The following NRG1 variants were observed in gnomAD, a reference collection of about 807,000 sequenced individuals.
NRG1 encodes neuregulin 1.
A neutral mutation model predicts 63.8 loss-of-function variants in NRG1; 18 were observed. The ratio of observed to expected loss-of-function variants is 0.28; its 90% CI spans 0.19 to 0.42. NRG1 has a LOEUF of 0.42. NRG1 is among the 10% of genes least tolerant of loss of function. The pLI is 1.00. For missense variants in NRG1, 762 were observed against 814.7 expected, an observed-to-expected ratio of 0.94 and a Z score of 0.79; for synonymous variants, 302 against 301.3, an observed-to-expected ratio of 1.00 and a Z score of -0.02.
chr8:31,809,791 G>C (rs1822698326), intron 1 of NRG1, among the ~76,000 whole-genome samples: 1 of 126,566 alleles, frequency 7.9e-6, no homozygotes, highest in Admixed American at 8.8e-5. Context: ...GTTTGCATTG[G>C]AGTAGCATAT....
chr8:32,363,370 A>C (rs1250434373), intron 1 of NRG1, among the ~76,000 whole-genome samples: 2 of 152,208 alleles, frequency 1.3e-5, no homozygotes. Flanking sequence ...GTACACAGAT[A>C]CAAGGGCTTC....
At chr8:32,519,609 C>T (rs1321377231) in intron 1 of NRG1, among the ~76,000 whole-genome samples, 1 of 152,078 alleles carries the variant, frequency 6.6e-6, no homozygotes, top group Non-Finnish European at 1.5e-5. Flanking sequence ...ACAATAATGT[C>T]ACACACATAT....
Position 31,985,804 on chromosome 8 carries a change from A to G in NRG1, c.37+346373A>G, listed in dbSNP as rs537550284. On this transcript the variant is annotated intron_variant, in intron 1 of 10. Coordinates refer to the NRG1 transcript ENST00000519301. Reference sequence around the variant, plus strand: ...TTTCCAAATATATTAAAATAATTGCAGTATTTATATTGTCCGTTCTTAGGG... The same window carrying G: ...TTTCCAAATATATTAAAATAATTGCGGTATTTATATTGTCCGTTCTTAGGG... Among the ~76,000 whole-genome samples the G allele has an allele frequency of 3.9e-5, 6 of 152,240 alleles. No homozygotes were observed. In the East Asian group the frequency reaches 1.2e-3, roughly 30 times the overall value.
At chr8:32,507,203 T>C (rs1828641634) in intron 1 of NRG1, among the ~76,000 whole-genome samples, 2 of 152,182 alleles carry the variant, frequency 1.3e-5, no homozygotes, top group Admixed American at 1.3e-4. Context: ...TAAATAGTTG[T>C]AAGAGCGAGC....
chr8:31,646,117 T>C (rs1165827626), intron 1 of NRG1, among the ~76,000 whole-genome samples: 1 of 152,248 alleles, frequency 6.6e-6, no homozygotes, highest in East Asian at 1.9e-4. Flanking sequence ...TTTCTGTTTC[T>C]GATGGAGTCT....
intron 1 of NRG1, among the ~76,000 whole-genome samples, chr8:32,080,139 A>G (rs1438679836): frequency 6.6e-6 from 1 of 152,194 alleles, no homozygotes; most frequent in Non-Finnish European, 1.5e-5. Flanking sequence ...AGCATAAATT[A>G]TAATGTTTAT....
At chr8:32,159,938 A>G (rs535931658) in intron 1 of NRG1, among the ~76,000 whole-genome samples, 10 of 152,344 alleles carry the variant, frequency 6.6e-5, no homozygotes, top group African/African-American at 2.2e-4. Context: ...ATTTGGCACA[A>G]CAGCAGAAAT....
chr8:32,094,897 T>C lies in NRG1; in HGVS notation c.37+455466T>C, dbSNP rs539954508. On this transcript the variant is annotated intron_variant, in intron 1 of 10. Coordinates refer to the NRG1 transcript ENST00000519301. Reference sequence around the variant, plus strand: ...ACTTATAAACTTGCTTTCTGAACTTTATTTTTAATTTCAGCATTTTTTTTT... The same window carrying C: ...ACTTATAAACTTGCTTTCTGAACTTCATTTTTAATTTCAGCATTTTTTTTT... Among the ~76,000 whole-genome samples, 25 of 151,164 alleles carry C rather than the reference T, an allele frequency of 1.7e-4. No homozygotes were observed. In the South Asian group the frequency reaches 3.1e-3, roughly 19 times the overall value.
intron 7 of NRG1, among the ~76,000 whole-genome samples, chr8:32,752,041 A>G (rs553004618): frequency 1.3e-5 from 2 of 152,316 alleles, no homozygotes; most frequent in East Asian, 3.9e-4. Context: ...ATAACCACAG[A>G]CTTGCCCATC....
At chr8:31,894,235 C>T (rs936498525) in intron 1 of NRG1, among the ~76,000 whole-genome samples, 6 of 152,176 alleles carry the variant, frequency 3.9e-5, no homozygotes, top group Non-Finnish European at 8.8e-5. Flanking sequence ...TTCAAGAATT[C>T]CTTCTGAATA....
At chr8:32,350,634 A>T (rs1386433) in intron 1 of NRG1, among the ~76,000 whole-genome samples, 77,857 of 151,994 alleles carry the variant, frequency 0.51, 20,971 homozygotes, top group Non-Finnish European at 0.61. Flanking sequence ...CCCAGATATA[A>T]GGTGTTTATT....
At chr8:31,895,938 G>T (rs1304022339) in intron 1 of NRG1, among the ~76,000 whole-genome samples, 1 of 152,156 alleles carries the variant, frequency 6.6e-6, no homozygotes, top group Non-Finnish European at 1.5e-5. Flanking sequence ...ATATTAACAA[G>T]AGTATCTTGC....
intron 1 of NRG1, among the ~76,000 whole-genome samples, chr8:31,881,197 G>A (rs1190131056): frequency 6.6e-6 from 1 of 152,122 alleles, no homozygotes; most frequent in Non-Finnish European, 1.5e-5. Context: ...CCTATGTCAA[G>A]CAAGTCTATT....
At chr8:32,640,868 G>A (rs2129545702) in intron 5 of NRG1, among the ~76,000 whole-genome samples, 1 of 152,184 alleles carries the variant, frequency 6.6e-6, no homozygotes, top group South Asian at 2.1e-4. Flanking sequence ...GGCTGTGGTG[G>A]GAGGATTGTT....
intron 5 of NRG1, among the ~76,000 whole-genome samples, chr8:32,649,159 C>CTTTTTTTTTTTTTTTTT (rs35558760): frequency 8.1e-6 from 1 of 123,362 alleles, no homozygotes; most frequent in African/African-American, 3.1e-5. Flanking sequence ...TGAGGTACAT[C>CTTTTTTTTTTTTTTTTT]TTTTTTTTTT....
intron 6 of NRG1, 71 bp downstream of exon 6, chr8:32,728,149 T>G (rs1324543354): frequency 1.3e-5 from 21 of 1,580,280 alleles, no homozygotes; most frequent in Non-Finnish European, 1.6e-5. Flanking sequence ...TGTCTCATGA[T>G]GTATTGTTGC....
At chr8:32,578,025 C>T (rs950620553) in intron 1 of NRG1, among the ~76,000 whole-genome samples, 1 of 152,108 alleles carries the variant, frequency 6.6e-6, no homozygotes, top group African/African-American at 2.4e-5. Flanking sequence ...GATGGAGTCT[C>T]ACACAGTCGC....
intron 1 of NRG1, among the ~76,000 whole-genome samples, chr8:32,522,716 A>C (rs1255514385): frequency 6.6e-6 from 1 of 152,070 alleles, no homozygotes; most frequent in Non-Finnish European, 1.5e-5. Context: ...AAATGTCTTT[A>C]ACATCCTTAG....
intron 1 of NRG1, among the ~76,000 whole-genome samples, chr8:31,962,552 TAAA>T (rs1805630573): frequency 6.6e-6 from 1 of 152,186 alleles, no homozygotes; most frequent in South Asian, 2.1e-4. Context: ...AAGTATGGAA[TAAA>T]ATGACCTATA....
Sources: gnomAD v4.1 joint callset for allele counts (sites outside exome capture counted in the v4.1 genomes callset) on GRCh38, gnomAD v4.1.1 for gene constraint, MANE v1.5 for transcripts, NCBI Gene and HGNC (gene_info 2026-07-23, HGNC 2026-07-21) for gene names.